LMTK2: variants seen among roughly 807,000 people sequenced by gnomAD.
The protein encoded by LMTK2 is lemur tail kinase 2.
Under a neutral mutation model 127.5 loss-of-function variants are expected in LMTK2, and 37 were observed. The observed-to-expected ratio is 0.29, with a 90% CI of 0.22 to 0.38. The LOEUF (loss-of-function observed/expected upper bound fraction) is 0.38, where lower values mean the gene tolerates loss of function less well. Ranked by LOEUF, LMTK2 falls within the 10% of genes least tolerant of loss-of-function variation. The pLI is 1.00. For synonymous variants in LMTK2, 819 were observed against 810.1 expected (o/e 1.01, Z -0.19); for missense variants, 1,694 against 1,920.3 (o/e 0.88, Z 2.20).
intron 1 of LMTK2, among the ~76,000 whole-genome samples, chr7:98,112,984 G>C (rs1796224767): frequency 6.6e-6 from 1 of 151,826 alleles, no homozygotes; most frequent in Admixed American, 6.6e-5. Flanking sequence ...AGCCTCCTGA[G>C]TAGGTGTGTG....
In LMTK2 at chr7:98,193,166, T is replaced by C. The variant is rs1034626881; in HGVS notation, c.2701T>C (p.Ser901Pro). ...EETLRLTESDSVLADDILASR... is the reference protein window; with the variant it reads ...EETLRLTESDPVLADDILASR... ...GACCCTGCGACTCACCGAAAGTGAC[T>C]CTGTTCTTGCTGATGACATCCTTGC... The change falls in exon 11 of 14, where the codon TCT (serine) becomes CCT (proline). Residue 901 changes from serine (S) to proline (P), a missense_variant. By Grantham distance (74) the Ser-to-Pro change is moderately conservative. This residue lies in a region of LMTK2 where 527 missense variants were observed against 539.8 expected (regional missense o/e 0.98). Transcript: ENST00000297293. This position sits in a 1 kb window ranked among gnomAD's most constrained non-coding sequence, Gnocchi z 4.1. 1 of 1,613,636 alleles carries C rather than the reference T, an allele frequency of 6.2e-7. No homozygotes were observed. Among genetic ancestry groups the C allele is most frequent in the Non-Finnish European group, 8.5e-7 (1 of 1,180,014 alleles).
At chr7:98,167,535 C>G (rs890293476) in intron 6 of LMTK2, among the ~76,000 whole-genome samples, 4 of 152,174 alleles carry the variant, frequency 2.6e-5, no homozygotes, top group African/African-American at 9.7e-5. Context: ...GAAAACAGAC[C>G]CAGAACTTGG....
chr7:98,203,433 C>G, intron 11 of LMTK2, 141 bp from the exon 12 acceptor site: 1 of 1,119,454 alleles, frequency 8.9e-7, no homozygotes, highest in Non-Finnish European at 1.2e-6. Context: ...TGTCCGTCCT[C>G]CCAGGCCTGG....
intron 3 of LMTK2, among the ~76,000 whole-genome samples, chr7:98,144,882 T>C (rs560484118): frequency 2.6e-5 from 4 of 152,194 alleles, no homozygotes; most frequent in Non-Finnish European, 5.9e-5. Context: ...AGGTTCGTAC[T>C]ATGTAGATTG....
Position 98,204,055 on chromosome 7 carries a change from C to T in LMTK2, c.4352C>T (p.Pro1451Leu), listed in dbSNP as rs1426786004. 3 of 1,613,932 alleles carry T rather than the reference C, an allele frequency of 1.9e-6. No individual in the cohort carries two copies. The highest frequency in any genetic ancestry group is 1.7e-5 in the Admixed American group (1 of 60,010). ...PSLQTSKYFS[P>L]PPPARSTEQS... ...CTCCAAACATCCAAGTACTTTTCTCCGCCGCCACCGGCCCGGAGCACGGAG... is the reference window on the plus strand; with the variant it reads ...CTCCAAACATCCAAGTACTTTTCTCTGCCGCCACCGGCCCGGAGCACGGAG... The change falls in exon 13 of 14, where the codon CCG becomes CTG. Residue 1451 changes from proline to leucine, a missense_variant. Coordinates refer to ENST00000297293, the MANE Select transcript of LMTK2 (RefSeq NM_014916.4).
chr7:98,191,271 C>T (rs926531928), intron 10 of LMTK2, among the ~76,000 whole-genome samples: 3 of 152,030 alleles, frequency 2.0e-5, no homozygotes, highest in Middle Eastern at 3.2e-3. Context: ...TTAACTGATT[C>T]GGCCAGGCAC....
In LMTK2 at chr7:98,208,572, T is replaced by C. The variant is rs1203766198; in HGVS notation, c.*3080T>C. ...CCAGAATCAATCTGAATTAGTCCTGTTTTGGTGGAGTTTGTACATTTTAAA... is the reference window on the plus strand; with the variant it reads ...CCAGAATCAATCTGAATTAGTCCTGCTTTGGTGGAGTTTGTACATTTTAAA... On this transcript the variant is annotated 3_prime_UTR_variant, in exon 14 of 14. Transcript: ENST00000297293. 1 of 152,208 alleles carries C rather than the reference T, an allele frequency of 6.6e-6. No individual in the cohort carries two copies. The highest frequency in any genetic ancestry group is 1.5e-5 in the Non-Finnish European group (1 of 68,030). The allele number at this position is 152,208 out of a possible 1,614,324, so 9.4% of individuals were successfully genotyped here.
chr7:98,162,908 G>C (rs78245063), intron 6 of LMTK2, among the ~76,000 whole-genome samples: 7 of 152,158 alleles, frequency 4.6e-5, no homozygotes, highest in Non-Finnish European at 8.8e-5. Flanking sequence ...TGGGTGAATG[G>C]ATAAACCAAA....
In LMTK2 at chr7:98,194,426, A is replaced by T; in HGVS notation, c.3961A>T (p.Ile1321Phe). ...CGAGACCGAGCACCCCGTGCCCATC[A>T]TCCTCAGCAACGAGGACGGAAGGCA... ...EDETEHPVPIILSNEDGRHLR... is the reference protein window; with the variant it reads ...EDETEHPVPIFLSNEDGRHLR... Residue 1321 changes from isoleucine to phenylalanine, a missense_variant, in exon 11 of 14, where the codon ATC (isoleucine) becomes TTC (phenylalanine). Around this residue, in one of 8 missense-constraint regions of LMTK2, gnomAD observed 554 missense variants for 567.7 expected, o/e 0.98. Coordinates refer to ENST00000297293, the MANE Select transcript of LMTK2 (RefSeq NM_014916.4). This position sits in a 1 kb window ranked among gnomAD's most constrained non-coding sequence, Gnocchi z 5.4. 1 of 1,614,132 alleles carries T rather than the reference A, an allele frequency of 6.2e-7. No homozygotes were observed. Among genetic ancestry groups the T allele is most frequent in the South Asian group, 1.1e-5 (1 of 91,084 alleles).
Position 98,154,821 on chromosome 7 carries a change from G to T in LMTK2, c.514G>T (p.Ala172Ser). ...AAGAGTCATCGTGAAGGAGTTAAAA[G>T]CAAGTGCCAACCCAAAGGAACAAGA... ...VARVIVKELKASANPKEQDTF... is the reference protein window; with the variant it reads ...VARVIVKELKSSANPKEQDTF... The change falls in exon 5 of 14, where the codon GCA becomes TCA. Residue 172 changes from alanine (A) to serine (S), a missense_variant. Physicochemically the swap from Ala to Ser is moderately conservative, Grantham distance 99. Transcript: ENST00000297293. 2.5e-6 allele frequency: 4 copies of T among 1,613,964 alleles called. No homozygotes were observed. The highest frequency in any genetic ancestry group is 2.5e-6 in the Non-Finnish European group (3 of 1,179,816).
rs1796112153 is a variant in LMTK2 at position 98,106,873 on chromosome 7, C to T, written c.-305C>T. 6.8e-6 allele frequency: 3 copies of T among 443,358 alleles called. No individual in the cohort carries two copies. Among genetic ancestry groups the T allele is most frequent in the East Asian group, 7.1e-5 (2 of 28,126 alleles). The allele number at this position is 443,358 out of a possible 1,614,324, so 27.5% of individuals were successfully genotyped here. ...CGCCCCCGCGCTACGTCACATGACGCAGCCCATCATGGCGGCGGGAGCGCG... is the reference window on the plus strand; with the variant it reads ...CGCCCCCGCGCTACGTCACATGACGTAGCCCATCATGGCGGCGGGAGCGCG... On this transcript the variant is annotated 5_prime_UTR_variant, in exon 1 of 14. It introduces an in-frame stop codon into an upstream open reading frame of the 5' UTR. Transcript: ENST00000297293.
intron 1 of LMTK2, among the ~76,000 whole-genome samples, chr7:98,135,581 C>T (rs951179122): frequency 2.0e-5 from 3 of 152,106 alleles, no homozygotes; most frequent in Admixed American, 1.3e-4. Flanking sequence ...CTTGGCCTCC[C>T]AAAGTGCTGG....
At chr7:98,140,086 C>T (rs1265978746) in intron 2 of LMTK2, among the ~76,000 whole-genome samples, 3 of 2,374 alleles carry the variant, frequency 1.3e-3, no homozygotes, top group African/African-American at 2.5e-3. Flanking sequence ...AACTTTCTTT[C>T]TTTCTTTCTT....
chr7:98,161,242 T>A (rs1458008812), intron 6 of LMTK2, among the ~76,000 whole-genome samples: 2 of 152,226 alleles, frequency 1.3e-5, no homozygotes, highest in Non-Finnish European at 2.9e-5. Context: ...TGTTTCTTAA[T>A]TTTTTGTGTG....
chr7:98,196,966 C>T lies in LMTK2; in HGVS notation c.4107+2394C>T, dbSNP rs548512112. Among the ~76,000 whole-genome samples the T allele has an allele frequency of 7.2e-5, 11 of 152,308 alleles. 1 individual carries two copies. Among genetic ancestry groups the T allele is most frequent in the South Asian group, 6.2e-4 (3 of 4,828 alleles). ...AGCGACAGCCACCAAGCGTTCAGGC[C>T]GAGGACTGAGGGTTTCCTCCCACTC... On this transcript the variant is annotated intron_variant, in intron 11 of 13. Coordinates refer to ENST00000297293, the MANE Select transcript of LMTK2 (RefSeq NM_014916.4).
At chr7:98,168,379 G>A (rs996986169) in intron 6 of LMTK2, among the ~76,000 whole-genome samples, 2 of 152,252 alleles carry the variant, frequency 1.3e-5, no homozygotes, top group Non-Finnish European at 2.9e-5. Flanking sequence ...GCTGCTGGGA[G>A]GGAAGCGAGG....
At position 98,161,256 on chromosome 7, in the gene LMTK2, G is replaced by A. The variant is rs182262509; in HGVS notation, c.657+1831G>A. Among the ~76,000 whole-genome samples, 730 of 151,918 alleles carry A rather than the reference G, an allele frequency of 4.8e-3. 3 individuals carry two copies. Among genetic ancestry groups the A allele is most frequent in the Non-Finnish European group, 7.0e-3 (479 of 67,982 alleles). On this transcript the variant is annotated intron_variant, in intron 6 of 13. Transcript: ENST00000297293. Reference sequence around the variant, plus strand: ...TTGTTTCTTAATTTTTTGTGTGGTCGCACTAGAAATTACAGCATGCACATT... The same window carrying A: ...TTGTTTCTTAATTTTTTGTGTGGTCACACTAGAAATTACAGCATGCACATT...
Position 98,169,111 on chromosome 7 carries a change from G to C in LMTK2, c.658-2430G>C, listed in dbSNP as rs1797147802. Among the ~76,000 whole-genome samples the C allele has an allele frequency of 2.0e-5, 3 of 152,108 alleles. No homozygotes were observed. The South Asian group carries it at 6.2e-4, about 32-fold the overall frequency. ...TTTCTTTTAAACTGTGGTACCAGGA[G>C]AGCTCTATGGACCTTTCTGAAACAT... On this transcript the variant is annotated intron_variant, in intron 6 of 13. Coordinates refer to ENST00000297293, the MANE Select transcript of LMTK2 (RefSeq NM_014916.4).
rs1797529679 is a variant in LMTK2 at position 98,191,830 on chromosome 7, G to A, written c.1365G>A (p.Leu455=). 6 of 1,614,058 alleles carry A rather than the reference G, an allele frequency of 3.7e-6. No homozygotes were observed. Among genetic ancestry groups the A allele is most frequent in the Non-Finnish European group, 5.1e-6 (6 of 1,180,046 alleles). The part of the protein sequence containing the change: ...PILDHFARDR[L]GREMEEVLTV... ...TCGACCACTTTGCCAGGGACCGGCT[G>A]GGTCGTGAAATGGAGGAAGTCCTCA... is the stretch of plus-strand genomic sequence containing the variant. The change falls in exon 11 of 14, where the codon CTG becomes CTA. Residue 455 remains leucine (L), a synonymous_variant. Coordinates refer to ENST00000297293, the MANE Select transcript of LMTK2 (RefSeq NM_014916.4).
Sources: gnomAD v4.1 joint callset for allele counts (sites outside exome capture counted in the v4.1 genomes callset) on GRCh38, gnomAD v4.1.1 for gene constraint, gnomAD v4.1.1 regional missense constraint, Gnocchi (gnomAD v3.1) non-coding constraint, MANE v1.5 for transcripts, NCBI Gene and HGNC (gene_info 2026-07-23, HGNC 2026-07-21) for gene names.